CSTF3: variants seen among roughly 807,000 people sequenced by gnomAD.
CSTF3 encodes CF-1 77 kDa subunit.
In CSTF3, 29 loss-of-function variants were observed where a neutral mutation model predicts 105.8. The observed-to-expected ratio is 0.27, with a 90% CI of 0.20 to 0.37. CSTF3 has a LOEUF of 0.37. CSTF3 is among the 10% of genes least tolerant of loss of function. The pLI is 1.00. For missense variants in CSTF3, 357 were observed against 879.3 expected (o/e 0.41, Z 7.51); for synonymous variants, 252 against 281.9 (o/e 0.89, Z 1.06).
At chr11:33,160,078 T>G (rs1849919963) in intron 1 of CSTF3, among the ~76,000 whole-genome samples, 1 of 151,788 alleles carries the variant, frequency 6.6e-6, no homozygotes, top group South Asian at 2.1e-4. Context: ...CCTCAGTTCA[T>G]TAGTCCTTCA....
chr11:33,115,729 A>C (rs1229416103), intron 3 of CSTF3, among the ~76,000 whole-genome samples: 3 of 152,190 alleles, frequency 2.0e-5, no homozygotes, highest in Non-Finnish European at 4.4e-5. Flanking sequence ...TGTACTTCCT[A>C]ATTTTCCTAT....
At chr11:33,102,445 C>T (rs1855289570) in intron 9 of CSTF3, 106 bp from the exon 10 acceptor site, 2 of 914,320 alleles carry the variant, frequency 2.2e-6, no homozygotes, top group Admixed American at 2.6e-5. Context: ...CTACTTTTTC[C>T]AAATACCACT....
At chr11:33,148,141 C>A (rs10836028) in intron 1 of CSTF3, among the ~76,000 whole-genome samples, 84,506 of 151,872 alleles carry the variant, frequency 0.56, 26,104 homozygotes, top group Non-Finnish European at 0.69. Context: ...TAAAAGAGAC[C>A]AACTGAAGAG....
chr11:33,099,575 A>C lies in CSTF3; in HGVS notation c.936+33T>G, dbSNP rs200639777. On this transcript the variant is annotated intron_variant, in intron 11 of 20. Coordinates refer to ENST00000323959, the MANE Select transcript of CSTF3 (RefSeq NM_001326.3). This position sits in a 1 kb window ranked among gnomAD's most constrained non-coding sequence, Gnocchi z 4.1. ...TAATTGCTATATCAAAACCACAAAA[A>C]TATCAAAGTGGGGATAGGGAAGGAA... 80 of 1,394,332 alleles carry C rather than the reference A, an allele frequency of 5.7e-5. No homozygotes were observed. Among genetic ancestry groups the C allele is most frequent in the Non-Finnish European group, 7.5e-5 (75 of 999,406 alleles). The allele number at this position is 1,394,332 out of a possible 1,614,324, so 86.4% of individuals were successfully genotyped here.
At chr11:33,093,659 C>G (rs1405178541) in intron 15 of CSTF3, among the ~76,000 whole-genome samples, 1 of 152,000 alleles carries the variant, frequency 6.6e-6, no homozygotes, top group Non-Finnish European at 1.5e-5. Context: ...TCTTTGAAAT[C>G]TGGTATGTAT....
intron 1 of CSTF3, among the ~76,000 whole-genome samples, chr11:33,151,466 G>A (rs959171718): frequency 6.6e-6 from 1 of 152,068 alleles, no homozygotes; most frequent in African/African-American, 2.4e-5. Context: ...GATTACCACC[G>A]TGAGCCACCA....
Position 33,116,922 on chromosome 11 carries a change from T to C in CSTF3, c.226-8504A>G, listed in dbSNP as rs891840240. The stretch of plus-strand genomic sequence containing the variant: ...AATGTAGAGGGAAGAACAACAGACT[T>C]TTTTTTTTTTAATGGGAACAAGAAT... On this transcript the variant is annotated intron_variant, in intron 3 of 20. Transcript: ENST00000323959. Among the ~76,000 whole-genome samples the C allele has an allele frequency of 5.5e-5, 8 of 146,396 alleles. No individual in the cohort carries two copies. In the South Asian group the frequency reaches 1.7e-3, roughly 32 times the overall value.
chr11:33,085,826 G>C, intron 19 of CSTF3, 53 bp from the exon 20 acceptor site: 1 of 1,578,238 alleles, frequency 6.3e-7, no homozygotes, highest in Non-Finnish European at 8.7e-7. Flanking sequence ...AGTTAAAGTA[G>C]TAGTAACTTT....
intron 12 of CSTF3, 114 bp downstream of exon 12, chr11:33,098,920 G>A (rs766112148): frequency 3.1e-5 from 44 of 1,422,430 alleles, no homozygotes; most frequent in Non-Finnish European, 4.0e-5. Flanking sequence ...TGTTCATTTG[G>A]CATCATCTCT....
At chr11:33,122,889 T>C (rs1855504928) in intron 3 of CSTF3, among the ~76,000 whole-genome samples, 1 of 137,822 alleles carries the variant, frequency 7.3e-6, no homozygotes, top group Non-Finnish European at 1.5e-5. Context: ...CACTCCAGCC[T>C]TGGCAACACA....
intron 1 of CSTF3, among the ~76,000 whole-genome samples, chr11:33,149,895 T>C (rs533382886): frequency 6.6e-6 from 1 of 152,290 alleles, no homozygotes; most frequent in East Asian, 1.9e-4. Context: ...GGTACACGCC[T>C]GTAATCCCAG....
In CSTF3 at chr11:33,095,597, G is replaced by A. The variant is rs540756420; in HGVS notation, c.1375+709C>T. On this transcript the variant is annotated intron_variant, in intron 15 of 20. Transcript: ENST00000323959. The stretch of plus-strand genomic sequence containing the variant: ...AGCACTTTGGGAGGCCGAGGCGGGC[G>A]GATCACGAGGTCAGGAGATCGAGAC... Among the ~76,000 whole-genome samples, 134 of 151,728 alleles carry A rather than the reference G, an allele frequency of 8.8e-4. 1 individual carries two copies. Among genetic ancestry groups the A allele is most frequent in the South Asian group, 4.6e-3 (22 of 4,796 alleles).
Position 33,103,246 on chromosome 11 carries a change from G to C in CSTF3, c.586-62C>G, listed in dbSNP as rs1382948358. On this transcript the variant is annotated intron_variant, in intron 8 of 20. Transcript: ENST00000323959. ...GTTTCTTAAAAATTAGTACAATACA[G>C]TTAATTTATTCATTTACTAAATAAC... 6 of 694,378 alleles carry C rather than the reference G, an allele frequency of 8.6e-6. No individual in the cohort carries two copies. In the East Asian group the frequency reaches 1.9e-4, roughly 22 times the overall value. 43.0% of individuals were successfully genotyped at this position (694,378 alleles called of 1,614,324 possible).
chr11:33,149,424 T>C (rs1855829156), intron 1 of CSTF3, among the ~76,000 whole-genome samples: 1 of 152,244 alleles, frequency 6.6e-6, no homozygotes, highest in South Asian at 2.1e-4. Flanking sequence ...ACATAACAGC[T>C]ATGAACCACT....
At chr11:33,104,907 C>T (rs533921399) in intron 8 of CSTF3, among the ~76,000 whole-genome samples, 3 of 152,174 alleles carry the variant, frequency 2.0e-5, no homozygotes, top group East Asian at 1.9e-4. Context: ...AATATACATA[C>T]GAAAAACTTT....
At chr11:33,110,472 G>A (rs188999669) in intron 3 of CSTF3, among the ~76,000 whole-genome samples, 1 of 152,280 alleles carries the variant, frequency 6.6e-6, no homozygotes, top group East Asian at 1.9e-4. Context: ...AGAACCTGAA[G>A]CTTCCTTGCA....
At chr11:33,136,645 C>T (rs935464430) in intron 3 of CSTF3, among the ~76,000 whole-genome samples, 30 of 152,022 alleles carry the variant, frequency 2.0e-4, no homozygotes, top group African/African-American at 7.0e-4. Context: ...CAAGTTATAA[C>T]CAAAAATGCT....
chr11:33,097,031 A>C (rs757239699), intron 13 of CSTF3, 53 bp from the exon 14 acceptor site: 185 of 1,339,094 alleles, frequency 1.4e-4, no homozygotes, highest in Non-Finnish European at 1.8e-4. Context: ...TGTTTCCTGC[A>C]TAAGAAAGCA....
intron 3 of CSTF3, among the ~76,000 whole-genome samples, chr11:33,114,882 A>G (rs923303210): frequency 8.5e-5 from 13 of 152,204 alleles, no homozygotes; most frequent in Admixed American, 4.6e-4. Flanking sequence ...TTAACCTGAC[A>G]TAACTCTATA....
Sources: gnomAD v4.1 joint callset for allele counts (sites outside exome capture counted in the v4.1 genomes callset) on GRCh38, gnomAD v4.1.1 for gene constraint, Gnocchi (gnomAD v3.1) non-coding constraint, MANE v1.5 for transcripts, NCBI Gene and HGNC (gene_info 2026-07-23, HGNC 2026-07-21) for gene names.